XIRP2: variants seen among roughly 807,000 people sequenced by gnomAD.
XIRP2 encodes the protein xin actin-binding repeat-containing protein 2.
In XIRP2, 236 loss-of-function variants were observed where a neutral mutation model predicts 277.0. The ratio of observed to expected loss-of-function variants is 0.85; its 90% CI spans 0.77 to 0.95. XIRP2 has a LOEUF of 0.95. Ranked by LOEUF, XIRP2 falls within the 40% of genes least tolerant of loss-of-function variation. XIRP2 has a pLI of 0.00. For missense variants in XIRP2, 4,640 were observed against 4,157.5 expected, an observed-to-expected ratio of 1.12 and a Z score of -3.19; for synonymous variants, 1,490 against 1,416.5, an observed-to-expected ratio of 1.05 and a Z score of -1.17.
At chr2:167,109,292 T>C (rs1690685763) in intron 2 of XIRP2, among the ~76,000 whole-genome samples, 1 of 152,070 alleles carries the variant, frequency 6.6e-6, no homozygotes, top group African/African-American at 2.4e-5. Context: ...TCCTTCTCCT[T>C]CTCCTTCCAT....
At chr2:166,939,229 C>T (rs1242903692) in intron 2 of XIRP2, among the ~76,000 whole-genome samples, 1 of 152,132 alleles carries the variant, frequency 6.6e-6, no homozygotes, top group Non-Finnish European at 1.5e-5. Context: ...GTGGCTGGTA[C>T]TGGTTGTTCC....
At chr2:166,917,674 G>T (rs1684926877) in intron 2 of XIRP2, among the ~76,000 whole-genome samples, 1 of 151,642 alleles carries the variant, frequency 6.6e-6, no homozygotes, top group Non-Finnish European at 1.5e-5. Flanking sequence ...ATATTGACTT[G>T]CCTTCCACTG....
At chr2:167,024,667 T>C (rs1688096923) in intron 2 of XIRP2, among the ~76,000 whole-genome samples, 2 of 152,226 alleles carry the variant, frequency 1.3e-5, no homozygotes, top group South Asian at 4.2e-4. Context: ...GCATGACGTG[T>C]TGTTGAATTT....
At chr2:167,100,107 A>G (rs1163016778) in intron 2 of XIRP2, among the ~76,000 whole-genome samples, 1 of 152,042 alleles carries the variant, frequency 6.6e-6, no homozygotes, top group Middle Eastern at 3.2e-3. Context: ...TTGAGATATG[A>G]AGCAAGTTTA....
chr2:166,956,216 G>T (rs542770337), intron 2 of XIRP2, among the ~76,000 whole-genome samples: 1 of 151,916 alleles, frequency 6.6e-6, no homozygotes, highest in East Asian at 2.0e-4. Context: ...GACAGATTTT[G>T]AATTAAGTGA....
At chr2:167,237,589 A>G (rs934778047) in intron 5 of XIRP2, among the ~76,000 whole-genome samples, 2 of 152,158 alleles carry the variant, frequency 1.3e-5, no homozygotes, top group African/African-American at 4.8e-5. Flanking sequence ...AGCAGAAAAA[A>G]TTTTTTATTT....
chr2:167,002,171 A>C (rs1574150532), intron 2 of XIRP2, among the ~76,000 whole-genome samples: 1 of 152,182 alleles, frequency 6.6e-6, no homozygotes, highest in African/African-American at 2.4e-5. Flanking sequence ...ACTATACAAC[A>C]ATATCATTTT....
chr2:166,970,571 AT>A (rs971992536), intron 2 of XIRP2, among the ~76,000 whole-genome samples: 3 of 151,954 alleles, frequency 2.0e-5, no homozygotes, highest in African/African-American at 7.2e-5. Flanking sequence ...ATCATGAACT[AT>A]TCTCATTTCT....
intron 2 of XIRP2, among the ~76,000 whole-genome samples, chr2:166,974,703 A>G (rs1686665220): frequency 6.6e-6 from 1 of 152,020 alleles, no homozygotes; most frequent in African/African-American, 2.4e-5. Flanking sequence ...TATAAAAATG[A>G]ATCAGTATAG....
intron 5 of XIRP2, among the ~76,000 whole-genome samples, chr2:167,223,175 G>C (rs1159328925): frequency 6.6e-6 from 1 of 151,676 alleles, no homozygotes; most frequent in African/African-American, 2.4e-5. Context: ...GTATTATTTT[G>C]TGAAGCCCCA....
chr2:167,113,729 G>C (rs973981009), intron 2 of XIRP2, among the ~76,000 whole-genome samples: 5 of 152,160 alleles, frequency 3.3e-5, no homozygotes, highest in Non-Finnish European at 7.4e-5. Context: ...TTATTTTATA[G>C]TATCACTGAT....
chr2:167,096,456 T>G (rs2105281409), intron 2 of XIRP2, among the ~76,000 whole-genome samples: 1 of 152,300 alleles, frequency 6.6e-6, no homozygotes, highest in Non-Finnish European at 1.5e-5. Flanking sequence ...TTTATTAGTC[T>G]GGTTAGTGGT....
chr2:166,913,885 T>C (rs1309885285), intron 2 of XIRP2, among the ~76,000 whole-genome samples: 1 of 152,198 alleles, frequency 6.6e-6, no homozygotes, highest in Non-Finnish European at 1.5e-5. Context: ...TGGATGAAAC[T>C]CATGACTTAT....
At chr2:167,077,130 G>T (rs1689592932) in intron 2 of XIRP2, among the ~76,000 whole-genome samples, 1 of 152,062 alleles carries the variant, frequency 6.6e-6, no homozygotes. Context: ...TGGGATTACA[G>T]GCGTGAGCCA....
chr2:167,248,678 T>C lies in XIRP2; in HGVS notation c.7286T>C (p.Leu2429Pro), dbSNP rs749347000. The change falls in exon 9 of 11, where the codon CTT becomes CCT. Residue 2429 changes from leucine (L) to proline (P), a missense_variant. Transcript: ENST00000409195. ...CCTCCCACATTGCCCAAACCCAAAC[T>C]TCCCAAGCATATAAAAGATAATAAG... The part of the protein sequence containing the change: ...LPPPTLPKPK[L>P]PKHIKDNKND... 6 of 1,613,574 alleles carry C rather than the reference T, an allele frequency of 3.7e-6. No individual in the cohort carries two copies. The Admixed American group carries it at 1.0e-4, about 27-fold the overall frequency.
At chr2:167,147,383 G>C (rs1490952175) in intron 3 of XIRP2, among the ~76,000 whole-genome samples, 1 of 152,150 alleles carries the variant, frequency 6.6e-6, no homozygotes, top group Non-Finnish European at 1.5e-5. Flanking sequence ...CCCGATAAGA[G>C]TCTTTGTGTA....
chr2:167,056,460 C>T (rs1193621150), intron 2 of XIRP2, among the ~76,000 whole-genome samples: 1 of 152,072 alleles, frequency 6.6e-6, no homozygotes, highest in Non-Finnish European at 1.5e-5. Flanking sequence ...TGTAAAGTTT[C>T]CTTCTAAGTA....
At chr2:167,065,512 A>G (rs1213853425) in intron 2 of XIRP2, among the ~76,000 whole-genome samples, 1 of 151,238 alleles carries the variant, frequency 6.6e-6, no homozygotes, top group Non-Finnish European at 1.5e-5. Flanking sequence ...CTTTTTTTTT[A>G]TTCCAGTGTA....
At position 166,946,247 on chromosome 2, in the gene XIRP2, G is replaced by C. The variant is rs370422877; in HGVS notation, c.408+42357G>C. ...GTAAATTTAGAATAATATATAGTCTGCACTGTTTAAGTAAAACCTAATGTT... is the reference window on the plus strand; with the variant it reads ...GTAAATTTAGAATAATATATAGTCTCCACTGTTTAAGTAAAACCTAATGTT... On this transcript the variant is annotated intron_variant, in intron 2 of 10. Coordinates refer to ENST00000409195, the MANE Select transcript of XIRP2 (RefSeq NM_152381.6). Among the ~76,000 whole-genome samples, 3 of 152,128 alleles carry C rather than the reference G, an allele frequency of 2.0e-5. No homozygotes were observed. The South Asian group carries it at 6.2e-4, about 31-fold the overall frequency.
Sources: gnomAD v4.1 joint callset for allele counts (sites outside exome capture counted in the v4.1 genomes callset) on GRCh38, gnomAD v4.1.1 for gene constraint, MANE v1.5 for transcripts, NCBI Gene and HGNC (gene_info 2026-07-23, HGNC 2026-07-21) for gene names.